The following DLGAP2 variants were observed in gnomAD, a reference collection of about 807,000 sequenced individuals.
The protein encoded by DLGAP2 is DLG associated protein 2.
A neutral mutation model predicts 100.3 loss-of-function variants in DLGAP2; 26 were observed. The observed-to-expected ratio is 0.26, with a 90% confidence interval of 0.19 to 0.36. The LOEUF (loss-of-function observed/expected upper bound fraction) is 0.36. Among genes scored for constraint, DLGAP2 ranks in the 10% least tolerant of loss-of-function variants. The pLI is 1.00. For missense variants in DLGAP2, 1,858 were observed against 1,453.2 expected (o/e 1.28, Z -4.53); for synonymous variants, 886 against 630.1 (o/e 1.41, Z -6.08).
At chr8:1,092,702 C>T (rs990845978) in intron 2 of DLGAP2, among the ~76,000 whole-genome samples, 1 of 152,178 alleles carries the variant, frequency 6.6e-6, no homozygotes, top group African/African-American at 2.4e-5. Context: ...TCTGCAGAAT[C>T]CTGAAGCCAG....
At position 1,127,998 on chromosome 8, in the gene DLGAP2, G is replaced by A. The variant is rs144571627; in HGVS notation, c.74-130853G>A. On this transcript the variant is annotated intron_variant, in intron 2 of 14. Coordinates refer to ENST00000637795, the MANE Select transcript of DLGAP2 (RefSeq NM_001346810.2). ...TTAAATGTAAAACAAAGTAAACCAG[G>A]CTTTTTAGGTTTACATGTTTGCCTT... Among the ~76,000 whole-genome samples the A allele has an allele frequency of 7.1e-3, 1,077 of 152,304 alleles. 11 individuals are homozygous for A. The highest frequency in any genetic ancestry group is 0.024 in the African/African-American group (1,006 of 41,570).
chr8:1,547,103 C>G (rs1801568441), intron 4 of DLGAP2, among the ~76,000 whole-genome samples: 1 of 152,100 alleles, frequency 6.6e-6, no homozygotes, highest in African/African-American at 2.4e-5. Context: ...CGGGCAGCGA[C>G]ATCTACAAAT....
intron 3 of DLGAP2, among the ~76,000 whole-genome samples, chr8:1,468,264 G>A (rs1798680206): frequency 1.3e-5 from 2 of 150,530 alleles, no homozygotes; most frequent in Middle Eastern, 3.6e-3. Flanking sequence ...TGTTCACACA[G>A]CGTAGATCCG....
At chr8:921,549 C>T (rs1798715322) in intron 2 of DLGAP2, among the ~76,000 whole-genome samples, 1 of 152,270 alleles carries the variant, frequency 6.6e-6, no homozygotes. Context: ...AGGAGACCTC[C>T]CTTTCACTGG....
chr8:1,146,040 G>A (rs572953405), intron 2 of DLGAP2, among the ~76,000 whole-genome samples: 1 of 152,124 alleles, frequency 6.6e-6, no homozygotes, highest in East Asian at 1.9e-4. Context: ...ATGCCGGGTG[G>A]CAGAGCATGC....
intron 3 of DLGAP2, chr8:1,297,291 A>C (rs1196364751): frequency 6.6e-6 from 1 of 152,256 alleles, no homozygotes; most frequent in East Asian, 1.9e-4. Context: ...TACGTCAGAA[A>C]AACATGTCTC....
chr8:1,392,689 G>A (rs189279022), intron 3 of DLGAP2, among the ~76,000 whole-genome samples: 79 of 152,338 alleles, frequency 5.2e-4, no homozygotes, highest in African/African-American at 1.9e-3. Flanking sequence ...ACTGGGCCAG[G>A]CCTGGGTCAG....
chr8:1,581,895 G>A (rs1803280914), intron 6 of DLGAP2, among the ~76,000 whole-genome samples: 1 of 143,060 alleles, frequency 7.0e-6, no homozygotes, highest in Non-Finnish European at 1.5e-5. Context: ...TACCAGAAGT[G>A]AAGGATACAG....
At chr8:949,346 C>A (rs1389519596) in intron 2 of DLGAP2, among the ~76,000 whole-genome samples, 2 of 152,180 alleles carry the variant, frequency 1.3e-5, no homozygotes, top group Non-Finnish European at 2.9e-5. Flanking sequence ...GTGGCAGACA[C>A]CACGCTGGAT....
chr8:1,437,273 C>T (rs1038890493), intron 3 of DLGAP2, among the ~76,000 whole-genome samples: 5 of 152,240 alleles, frequency 3.3e-5, no homozygotes, highest in African/African-American at 4.8e-5. Flanking sequence ...TCCGGGTCTC[C>T]GTTCAGCCCA....
intron 2 of DLGAP2, among the ~76,000 whole-genome samples, chr8:1,037,061 T>C (rs1392764856): frequency 2.0e-5 from 3 of 152,104 alleles, no homozygotes; most frequent in African/African-American, 7.2e-5. Flanking sequence ...AGCTCCCTCA[T>C]GGCGGACAGG....
chr8:1,013,468 G>A (rs537970022), intron 2 of DLGAP2, among the ~76,000 whole-genome samples: 1 of 152,148 alleles, frequency 6.6e-6, no homozygotes, highest in East Asian at 1.9e-4. Context: ...GGAGGCAGAT[G>A]AGCCAGCCTT....
At chr8:1,373,396 G>C (rs1802299416) in intron 3 of DLGAP2, among the ~76,000 whole-genome samples, 1 of 152,132 alleles carries the variant, frequency 6.6e-6, no homozygotes, top group African/African-American at 2.4e-5. Flanking sequence ...GCCCTGTGCC[G>C]CTTGCGTCCC....
intron 2 of DLGAP2, among the ~76,000 whole-genome samples, chr8:1,198,805 A>C (rs1219815456): frequency 6.6e-6 from 1 of 152,186 alleles, no homozygotes; most frequent in Non-Finnish European, 1.5e-5. Context: ...GCCCTACAGC[A>C]GGGGGATGGG....
intron 2 of DLGAP2, among the ~76,000 whole-genome samples, chr8:1,158,231 C>CT (rs1383529654): frequency 6.6e-6 from 1 of 152,166 alleles, no homozygotes; most frequent in East Asian, 1.9e-4. Context: ...GCCAATATAA[C>CT]TTTTTGAATT....
chr8:983,431 T>C (rs571098515), intron 2 of DLGAP2, among the ~76,000 whole-genome samples: 6 of 152,044 alleles, frequency 3.9e-5, no homozygotes, highest in African/African-American at 1.4e-4. Flanking sequence ...CACGTGTTGG[T>C]GGAAGGTACA....
intron 3 of DLGAP2, among the ~76,000 whole-genome samples, chr8:1,486,543 A>G (rs530091338): frequency 6.6e-6 from 1 of 152,244 alleles, no homozygotes; most frequent in South Asian, 2.1e-4. Context: ...ATTCCAATCA[A>G]AGGGGGAATT....
intron 2 of DLGAP2, among the ~76,000 whole-genome samples, chr8:968,779 A>G (rs771390569): frequency 2.0e-5 from 3 of 152,188 alleles, no homozygotes; most frequent in Non-Finnish European, 2.9e-5. Flanking sequence ...CGTCTTCAGT[A>G]GGGTTCCTGG....
At chr8:1,027,985 G>A (rs1455739696) in intron 2 of DLGAP2, among the ~76,000 whole-genome samples, 3 of 146,868 alleles carry the variant, frequency 2.0e-5, no homozygotes, top group South Asian at 4.4e-4. Context: ...GGGGTGTCAG[G>A]CGCCCATTAT....
Sources: allele counts gnomAD v4.1 joint callset (sites outside exome capture counted in the v4.1 genomes callset), GRCh38; gene constraint gnomAD v4.1.1; transcripts MANE v1.5; gene names NCBI Gene and HGNC (gene_info 2026-07-23, HGNC 2026-07-21).